Variants in PISD observed in about 807,000 individuals in gnomAD.
PISD encodes the protein phosphatidylserine decarboxylase.
PISD carries 31 observed loss-of-function variants against 43.5 expected under a neutral mutation model. That is an observed-to-expected ratio of 0.71 (90% CI 0.54 to 0.96). PISD has a LOEUF of 0.96. PISD is among the 40% of genes least tolerant of loss of function. PISD has a pLI of 0.00. For missense variants in PISD, 523 were observed against 548.4 expected, an observed-to-expected ratio of 0.95 and a Z score of 0.46; for synonymous variants, 259 against 228.7, an observed-to-expected ratio of 1.13 and a Z score of -1.20.
intron 1 of PISD, among the ~76,000 whole-genome samples, chr22:31,656,414 G>C (rs1236073758): frequency 6.6e-6 from 1 of 151,894 alleles, no homozygotes; most frequent in East Asian, 1.9e-4. Flanking sequence ...ACGTTGGAAG[G>C]CCAAGGTGGG....
At chr22:31,662,062 C>A in intron 1 of PISD, 82 bp downstream of exon 1, 1 of 1,313,144 alleles carries the variant, frequency 7.6e-7, no homozygotes, top group Non-Finnish European at 1.1e-6. Flanking sequence ...AGCGAGCCCG[C>A]GACACAGAAA....
chr22:31,621,400 C>T lies in PISD; in HGVS notation c.631G>A (p.Val211Ile). The change falls in exon 5 of 8, where the codon GTC becomes ATC. Residue 211 changes from valine (V) to isoleucine (I), a missense_variant. Physicochemically the swap from Val to Ile is conservative, Grantham distance 29. Transcript: ENST00000439502. The stretch of plus-strand genomic sequence containing the variant: ...AGGAACGACTCCAGGGAGTAGGTGA[C>T]CCCCTTTACCTGCTCCACCTCACAG... ...KNCEVEQVKG[V>I]TYSLESFLGP... 4 of 1,614,066 alleles carry T rather than the reference C, an allele frequency of 2.5e-6. No homozygotes were observed. The highest frequency in any genetic ancestry group is 3.4e-6 in the Non-Finnish European group (4 of 1,179,958).
chr22:31,632,175 G>A (rs899194347), intron 3 of PISD: 31 of 959,110 alleles, frequency 3.2e-5, no homozygotes, highest in African/African-American at 7.1e-5. Context: ...TACACCTGTC[G>A]TCCTTACCTG....
intron 3 of PISD, among the ~76,000 whole-genome samples, chr22:31,637,155 AAAAAAAAAAATAT>A (rs1477033428): frequency 8.7e-4 from 39 of 44,784 alleles, no homozygotes; most frequent in South Asian, 2.4e-3. Flanking sequence ...AAAAAAAAAA[AAAAAAAAAAATAT>A]ATATATATAT....
chr22:31,637,232 G>A (rs1343152298), intron 3 of PISD, among the ~76,000 whole-genome samples: 2 of 130,442 alleles, frequency 1.5e-5, no homozygotes, highest in Non-Finnish European at 3.2e-5. Flanking sequence ...GCATGGTGGT[G>A]CACGCCAGTA....
At chr22:31,644,946 AC>A (rs2073841579) in intron 3 of PISD, among the ~76,000 whole-genome samples, 1 of 151,940 alleles carries the variant, frequency 6.6e-6, no homozygotes, top group South Asian at 2.1e-4. Context: ...AAGAGGGTGA[AC>A]CCCTGTCTCT....
Position 31,620,562 on chromosome 22 carries a change from G to T in PISD, c.996C>A (p.Tyr332Ter). 6.2e-7 allele frequency: 1 copy of T among 1,614,204 alleles called. No homozygotes were observed. The highest frequency in any genetic ancestry group is 8.5e-7 in the Non-Finnish European group (1 of 1,180,018). ...GATNVGSIRI[Y>*]FDRDLHTNSP... Reference sequence around the variant, plus strand: ...CCTAGATCCTGCTTACCCGGTCAAAGTAGATGCGAATGGAGCCCACGTTGG... The same window carrying T: ...CCTAGATCCTGCTTACCCGGTCAAATTAGATGCGAATGGAGCCCACGTTGG... Residue 332 changes from tyrosine to a stop codon, truncating the protein, a stop_gained, in exon 7 of 8, where the codon TAC (tyrosine) becomes TAA (stop). Transcript: ENST00000439502. LOFTEE classifies it high-confidence loss of function.
rs115270917 is a variant in PISD, at chr22:31,655,458, G to C, written c.66-4680C>G. ...AGCCTCCTGAGTAGCTAGGACTACA[G>C]GTGTGCACCAGCACACTTAGCTAAT... On this transcript the variant is annotated intron_variant, in intron 1 of 7. Coordinates refer to ENST00000439502, the MANE Select transcript of PISD (RefSeq NM_001326411.2). Among the ~76,000 whole-genome samples, 861 of 152,162 alleles carry C rather than the reference G, an allele frequency of 5.7e-3. 6 individuals are homozygous for C. Among genetic ancestry groups the C allele is most frequent in the African/African-American group, 0.018 (762 of 41,534 alleles).
At chr22:31,658,996 T>G (rs1457567155) in intron 1 of PISD, among the ~76,000 whole-genome samples, 1 of 151,878 alleles carries the variant, frequency 6.6e-6, no homozygotes, top group Non-Finnish European at 1.5e-5. Context: ...TGGGACTACA[T>G]GTATGCACCA....
chr22:31,620,795 A>G, intron 6 of PISD, 82 bp from the exon 7 acceptor site: 5 of 1,539,746 alleles, frequency 3.2e-6, no homozygotes, highest in Non-Finnish European at 4.4e-6. Flanking sequence ...AAAGGGACTC[A>G]TGGCCTGTTG....
chr22:31,660,724 ACACACTTTATTTATTTTTAATT>A (rs2074292522), intron 1 of PISD, among the ~76,000 whole-genome samples: 3 of 152,058 alleles, frequency 2.0e-5, no homozygotes, highest in African/African-American at 7.2e-5. Flanking sequence ...TCAATTCGTG[ACACACTTTATTTATTTTTAATT>A]TTTTTGAGAC....
At chr22:31,659,111 C>A (rs1438086744) in intron 1 of PISD, among the ~76,000 whole-genome samples, 1 of 152,112 alleles carries the variant, frequency 6.6e-6, no homozygotes, top group African/African-American at 2.4e-5. Flanking sequence ...GCCTTAGCCT[C>A]CCAAAATGCT....
At chr22:31,636,262 AT>A (rs200104076) in intron 3 of PISD, among the ~76,000 whole-genome samples, 1,850 of 152,324 alleles carry the variant, frequency 0.012, 48 homozygotes, top group African/African-American at 0.043. Context: ...CTTTTGATGA[AT>A]TGGAATACTG....
intron 1 of PISD, among the ~76,000 whole-genome samples, chr22:31,661,053 A>C (rs2074302581): frequency 6.6e-6 from 1 of 152,180 alleles, no homozygotes. Context: ...ACTTTAAATG[A>C]ATTCAGGGTT....
chr22:31,620,943 C>A, intron 6 of PISD, 53 bp downstream of exon 6: 1 of 1,557,974 alleles, frequency 6.4e-7, no homozygotes. Flanking sequence ...AAGCTGAGAG[C>A]CTCTATATGA....
At chr22:31,624,676 CA>C (rs2072779834) in intron 3 of PISD, among the ~76,000 whole-genome samples, 2 of 151,082 alleles carry the variant, frequency 1.3e-5, no homozygotes, top group Non-Finnish European at 3.0e-5. Context: ...CACACACACA[CA>C]CACCCATCCC....
intron 3 of PISD, chr22:31,623,553 C>T: frequency 1.1e-6 from 1 of 952,034 alleles, no homozygotes; most frequent in Non-Finnish European, 1.5e-6. Flanking sequence ...AACCTTCCGA[C>T]CCGGACCCCC....
At chr22:31,642,253 C>A (rs955672084) in intron 3 of PISD, among the ~76,000 whole-genome samples, 2 of 150,214 alleles carry the variant, frequency 1.3e-5, no homozygotes, top group Non-Finnish European at 2.9e-5. Flanking sequence ...TTGAGACCAG[C>A]CTAGGCAACA....
Position 31,643,630 on chromosome 22 carries a change from C to A in PISD, c.321+4471G>T, listed in dbSNP as rs189353768. On this transcript the variant is annotated intron_variant, in intron 3 of 7. Transcript: ENST00000439502. ...AAACAAAACAAAAACCTAAAACTGG[C>A]CCGGCACAGTGGCTCATGCCTGTAA... Among the ~76,000 whole-genome samples the A allele has an allele frequency of 2.2e-3, 331 of 152,274 alleles. 1 individual carries two copies. Among genetic ancestry groups the A allele is most frequent in the African/African-American group, 7.2e-3 (301 of 41,546 alleles).
Sources: gnomAD v4.1 joint callset for allele counts (sites outside exome capture counted in the v4.1 genomes callset) on GRCh38, gnomAD v4.1.1 for gene constraint, MANE v1.5 for transcripts, NCBI Gene and HGNC (gene_info 2026-07-23, HGNC 2026-07-21) for gene names.